The following LDB2 variants were observed in gnomAD, a reference collection of about 807,000 sequenced individuals.
LDB2 encodes LIM domain binding 2.
LDB2 carries 12 observed loss-of-function variants against 44.3 expected under a neutral mutation model. The ratio of observed to expected loss-of-function variants is 0.27; its 90% CI spans 0.17 to 0.44. The LOEUF is 0.44. LDB2 is among the 20% of genes least tolerant of loss of function. The pLI, the probability that LDB2 is intolerant of heterozygous loss-of-function variation, is 1.00. For synonymous variants in LDB2, 164 were observed against 174.8 expected, an observed-to-expected ratio of 0.94 and a Z score of 0.49; for missense variants, 344 against 473.5, an observed-to-expected ratio of 0.73 and a Z score of 2.54.
At chr4:16,879,784 G>A (rs1228841682) in intron 1 of LDB2, among the ~76,000 whole-genome samples, 2 of 152,134 alleles carry the variant, frequency 1.3e-5, no homozygotes, top group Non-Finnish European at 2.9e-5. Flanking sequence ...CTTTTCTGGA[G>A]AATTCTAACT....
chr4:16,535,244 A>G lies in LDB2; in HGVS notation c.616-23140T>C, dbSNP rs544859179. 4.3e-4 allele frequency among the ~76,000 whole-genome samples: 66 copies of G among 152,322 alleles called. No individual in the cohort carries two copies. In the South Asian group the frequency reaches 9.9e-3, roughly 23 times the overall value. The stretch of plus-strand genomic sequence containing the variant: ...AGACCCTCATCTAACATGATACAAT[A>G]TAAAAGGCACAGATGCGATTTAGGG... On this transcript the variant is annotated intron_variant, in intron 5 of 7. Transcript: ENST00000304523.
intron 5 of LDB2, among the ~76,000 whole-genome samples, chr4:16,514,301 A>C (rs1459346551): frequency 6.6e-6 from 1 of 152,190 alleles, no homozygotes; most frequent in Admixed American, 6.5e-5. Flanking sequence ...TGACCCTTAT[A>C]ATAGGTAAGA....
At chr4:16,701,028 T>C (rs1753320150) in intron 2 of LDB2, among the ~76,000 whole-genome samples, 1 of 152,200 alleles carries the variant, frequency 6.6e-6, no homozygotes, top group Non-Finnish European at 1.5e-5. Flanking sequence ...TATCTCCATT[T>C]TACTGCTGAA....
chr4:16,529,526 AATTTC>A (rs1729406190), intron 5 of LDB2, among the ~76,000 whole-genome samples: 1 of 152,100 alleles, frequency 6.6e-6, no homozygotes, highest in African/African-American at 2.4e-5. Context: ...CATCACTTCT[AATTTC>A]ATTGTGTGTT....
At chr4:16,857,365 T>G (rs1445162348) in intron 1 of LDB2, among the ~76,000 whole-genome samples, 1 of 152,210 alleles carries the variant, frequency 6.6e-6, no homozygotes. Context: ...TAGTCTGAAC[T>G]GAAAAAGTCT....
chr4:16,898,576 C>G lies in LDB2; in HGVS notation c.-91G>C. ...TGTGTTCTTCCCAGTACAAAGTAGA[C>G]GCACGCACACACGCTCACACACACA... is the stretch of plus-strand genomic sequence containing the variant. On this transcript the variant is annotated 5_prime_UTR_variant, in exon 1 of 8. Coordinates refer to ENST00000304523, the MANE Select transcript of LDB2 (RefSeq NM_001290.5). 1 of 1,307,572 alleles carries G rather than the reference C, an allele frequency of 7.6e-7. No individual in the cohort carries two copies. The highest frequency in any genetic ancestry group is 1.1e-6 in the Non-Finnish European group (1 of 935,556). The allele number at this position is 1,307,572 out of a possible 1,614,324, so 81.0% of individuals were successfully genotyped here. A position where few individuals can be genotyped will look rare whatever the true frequency, so the allele number is the denominator to read the frequency against.
At chr4:16,773,631 A>G (rs1561184203) in intron 1 of LDB2, among the ~76,000 whole-genome samples, 1 of 152,158 alleles carries the variant, frequency 6.6e-6, no homozygotes, top group Non-Finnish European at 1.5e-5. Context: ...ATACAGATGA[A>G]GCTTCATTCA....
intron 2 of LDB2, among the ~76,000 whole-genome samples, chr4:16,621,700 G>T (rs1357357066): frequency 2.0e-5 from 3 of 152,012 alleles, no homozygotes; most frequent in African/African-American, 7.3e-5. Flanking sequence ...CAACAGACCT[G>T]CACCACCACC....
intron 5 of LDB2, among the ~76,000 whole-genome samples, chr4:16,514,492 GTCTCATGTTCTCTTCCT>G (rs1722926767): frequency 6.6e-6 from 1 of 152,172 alleles, no homozygotes. Context: ...TCCACCAACT[GTCTCATGTTCTCTTCCT>G]TCCTTCTTAA....
At chr4:16,860,880 A>G (rs1256905580) in intron 1 of LDB2, among the ~76,000 whole-genome samples, 1 of 152,032 alleles carries the variant, frequency 6.6e-6, no homozygotes, top group Non-Finnish European at 1.5e-5. Context: ...TGCTTAGTGA[A>G]AAAACTGAAT....
chr4:16,539,031 G>A (rs1732827995), intron 5 of LDB2, among the ~76,000 whole-genome samples: 2 of 152,182 alleles, frequency 1.3e-5, no homozygotes, highest in Non-Finnish European at 2.9e-5. Context: ...CCAATCTTAA[G>A]ATGCTTGTAA....
chr4:16,579,671 T>C (rs548450630), intron 5 of LDB2, among the ~76,000 whole-genome samples: 1 of 152,200 alleles, frequency 6.6e-6, no homozygotes, highest in Non-Finnish European at 1.5e-5. Context: ...ATGGTGAAGT[T>C]CTAGGTAGTG....
At chr4:16,547,753 T>C (rs79489575) in intron 5 of LDB2, among the ~76,000 whole-genome samples, 6,749 of 152,242 alleles carry the variant, frequency 0.044, 240 homozygotes, top group East Asian at 0.23. Context: ...TGAATCTTCA[T>C]TTAGGCTTAA....
intron 2 of LDB2, among the ~76,000 whole-genome samples, chr4:16,615,988 A>G (rs1309652471): frequency 1.3e-5 from 2 of 152,096 alleles, no homozygotes; most frequent in East Asian, 1.9e-4. Context: ...AACAGAAGCA[A>G]CCTCATGGGG....
At chr4:16,763,067 G>C (rs1191727378) in intron 1 of LDB2, among the ~76,000 whole-genome samples, 1 of 129,566 alleles carries the variant, frequency 7.7e-6, no homozygotes, top group Non-Finnish European at 1.6e-5. Flanking sequence ...GGCACATTAG[G>C]TAACACCACA....
At chr4:16,667,562 A>C (rs1743630432) in intron 2 of LDB2, among the ~76,000 whole-genome samples, 1 of 152,212 alleles carries the variant, frequency 6.6e-6, no homozygotes, top group Non-Finnish European at 1.5e-5. Context: ...AGTCAAAGAA[A>C]AACGCAAAAA....
rs866908905 is a variant in LDB2, at chr4:16,560,455, T to C, written c.615+25467A>G. 1.6e-4 allele frequency among the ~76,000 whole-genome samples: 25 copies of C among 152,186 alleles called. 1 individual carries two copies. The Middle Eastern group carries it at 0.01, about 62-fold the overall frequency. On this transcript the variant is annotated intron_variant, in intron 5 of 7. Transcript: ENST00000304523. ...TACAAACACCTCTACGCAAATAAAC[T>C]AGAAAATCTAGAAGAAATGGATAAA... is the stretch of plus-strand genomic sequence containing the variant.
chr4:16,822,549 T>G (rs947586635), intron 1 of LDB2, among the ~76,000 whole-genome samples: 14 of 152,200 alleles, frequency 9.2e-5, no homozygotes, highest in African/African-American at 3.1e-4. Flanking sequence ...AGAGTCTTGC[T>G]CTTTCGCCCT....
intron 1 of LDB2, among the ~76,000 whole-genome samples, chr4:16,823,274 C>G (rs1047723976): frequency 6.6e-6 from 1 of 152,200 alleles, no homozygotes; most frequent in Non-Finnish European, 1.5e-5. Flanking sequence ...TGCCCAATGG[C>G]CAAAGCCAAC....
Sources: allele counts gnomAD v4.1 joint callset (sites outside exome capture counted in the v4.1 genomes callset), GRCh38; gene constraint gnomAD v4.1.1; transcripts MANE v1.5; gene names NCBI Gene and HGNC (gene_info 2026-07-23, HGNC 2026-07-21).